PRSS23: variants seen among roughly 807,000 people sequenced by gnomAD.
PRSS23 encodes protease, serine 23.
PRSS23 carries 25 observed loss-of-function variants against 34.7 expected under a neutral mutation model. The ratio of observed to expected loss-of-function variants is 0.72; its 90% confidence interval spans 0.53 to 1.01. The LOEUF (loss-of-function observed/expected upper bound fraction) is 1.01, where lower values mean the gene tolerates loss of function less well. PRSS23 is among the 50% of genes least tolerant of loss of function. The pLI is 0.00. For missense variants in PRSS23, 445 were observed against 475.6 expected, an observed-to-expected ratio of 0.94 and a Z score of 0.60; for synonymous variants, 176 against 186.6, an observed-to-expected ratio of 0.94 and a Z score of 0.46.
intron 2 of PRSS23, among the ~76,000 whole-genome samples, chr11:86,868,763 C>G (rs576533425): frequency 9.9e-5 from 15 of 152,272 alleles, no homozygotes; most frequent in Non-Finnish European, 1.8e-4. Flanking sequence ...GGAATCAGAA[C>G]ACTTGGGTTG....
intron 2 of PRSS23, among the ~76,000 whole-genome samples, chr11:86,930,591 A>G (rs922960736): frequency 6.6e-6 from 1 of 152,172 alleles, no homozygotes; most frequent in Admixed American, 6.5e-5. Context: ...GGAGATCGAG[A>G]CCATCCTAGC....
At chr11:86,827,041 T>C (rs1948307526) in intron 2 of PRSS23, among the ~76,000 whole-genome samples, 1 of 152,180 alleles carries the variant, frequency 6.6e-6, no homozygotes, top group Non-Finnish European at 1.5e-5. Context: ...TCTTTTTCTA[T>C]TGATTGGAAT....
chr11:86,838,542 G>C (rs1948424036), intron 2 of PRSS23, among the ~76,000 whole-genome samples: 1 of 152,214 alleles, frequency 6.6e-6, no homozygotes, highest in Non-Finnish European at 1.5e-5. Context: ...TCTGGGGGCA[G>C]GGCATAGCAG....
intron 2 of PRSS23, chr11:86,937,493 C>T (rs886094187): frequency 2.0e-5 from 3 of 152,092 alleles, no homozygotes; most frequent in African/African-American, 7.2e-5. Flanking sequence ...AGGAGGTCAG[C>T]CAAGATACAG....
intron 2 of PRSS23, among the ~76,000 whole-genome samples, chr11:86,853,277 T>C (rs12364297): frequency 9.0e-6 from 1 of 111,094 alleles, no homozygotes; most frequent in African/African-American, 3.4e-5. Context: ...TTTTTTTTAA[T>C]GGAGTCTCAC....
At chr11:86,801,404 C>A (rs925270422) in intron 1 of PRSS23, among the ~76,000 whole-genome samples, 1 of 152,226 alleles carries the variant, frequency 6.6e-6, no homozygotes, top group Non-Finnish European at 1.5e-5. Flanking sequence ...TGCTTTCCAG[C>A]ACCTCAGGAG....
chr11:86,939,191 T>A (rs1949184497), intron 2 of PRSS23: 1 of 337,036 alleles, frequency 3.0e-6, no homozygotes, highest in African/African-American at 2.2e-5. Context: ...ACTTAAGAAG[T>A]GCTTGTAAGG....
In PRSS23 at chr11:86,807,844, C is replaced by G. The variant is rs1416936929; in HGVS notation, c.201C>G (p.Pro67=). 6.2e-7 allele frequency: 1 copy of G among 1,614,044 alleles called. No individual in the cohort carries two copies. Among genetic ancestry groups the G allele is most frequent in the Admixed American group, 1.7e-5 (1 of 60,016 alleles). Residue 67 remains proline (P), a synonymous_variant, in exon 2 of 2, where the codon CCC becomes CCG. Transcript: ENST00000280258. The stretch of plus-strand genomic sequence containing the variant: ...TAGAAGTATCTTCTTCATGTGGACC[C>G]CAGTGTCATAAGGGAACTCCACTGC... ...AKLEVSSSCG[P]QCHKGTPLPT...
chr11:86,849,133 G>A (rs1474732403), intron 2 of PRSS23, among the ~76,000 whole-genome samples: 2 of 152,160 alleles, frequency 1.3e-5, no homozygotes, highest in Non-Finnish European at 2.9e-5. Context: ...TTTGACCATT[G>A]AGGGCCAGGA....
chr11:86,855,267 A>C (rs1157028113), intron 2 of PRSS23, among the ~76,000 whole-genome samples: 3 of 152,202 alleles, frequency 2.0e-5, no homozygotes, highest in African/African-American at 7.2e-5. Flanking sequence ...TAATAGCTTA[A>C]AAACTAGCAT....
chr11:86,937,067 G>T, intron 2 of PRSS23: 1 of 152,268 alleles, frequency 6.6e-6, no homozygotes. Context: ...AAAAAAGCAA[G>T]AGCTTTGCAG....
chr11:86,838,875 T>C (rs1156339308), intron 2 of PRSS23, among the ~76,000 whole-genome samples: 1 of 152,100 alleles, frequency 6.6e-6, no homozygotes, highest in Admixed American at 6.5e-5. Context: ...CCAAGAGACC[T>C]GCAACTGAGG....
intron 2 of PRSS23, among the ~76,000 whole-genome samples, chr11:86,855,187 CA>C (rs200570716): frequency 0.011 from 1,672 of 150,280 alleles, 14 homozygotes; most frequent in Middle Eastern, 0.021. Flanking sequence ...AAAAAAAATA[CA>C]GCATGATTTC....
Position 86,807,651 on chromosome 11 carries a change from G to A in PRSS23, c.8G>A (p.Gly3Glu), listed in dbSNP as rs1424573394. ...TACAGAACAGTGCTCGGCATGGCAG[G>A]GATTCCAGGGCTCCTCTTCCTTCTC... MA[G>E]IPGLLFLLFF... Residue 3 changes from glycine (G) to glutamate (E), a missense_variant, in exon 2 of 2, where the codon GGG becomes GAG. Gly to Glu is a moderately conservative substitution (Grantham distance 98, BLOSUM62 -2). Coordinates refer to ENST00000280258, the MANE Select transcript of PRSS23 (RefSeq NM_007173.6). 5.6e-6 allele frequency: 9 copies of A among 1,608,798 alleles called. No homozygotes were observed. The highest frequency in any genetic ancestry group is 7.6e-6 in the Non-Finnish European group (9 of 1,176,850).
intron 2 of PRSS23, among the ~76,000 whole-genome samples, chr11:86,824,741 G>A (rs1162649401): frequency 1.3e-5 from 2 of 149,242 alleles, no homozygotes; most frequent in Non-Finnish European, 3.0e-5. Context: ...TTGCTTTTTT[G>A]TTCTTGGGAT....
chr11:86,899,548 T>A (rs1948897863), intron 2 of PRSS23, among the ~76,000 whole-genome samples: 1 of 150,302 alleles, frequency 6.7e-6, no homozygotes, highest in African/African-American at 2.4e-5. Flanking sequence ...AGAGTCTCGC[T>A]CTGTCACCCA....
At chr11:86,928,932 G>T (rs763752302) in intron 2 of PRSS23, among the ~76,000 whole-genome samples, 1 of 151,932 alleles carries the variant, frequency 6.6e-6, no homozygotes, top group Non-Finnish European at 1.5e-5. Flanking sequence ...ATGTCCAAAT[G>T]TTCTGCAACA....
chr11:86,811,633 AC>A (rs1430513737), downstream of PRSS23, among the ~76,000 whole-genome samples: 4 of 152,098 alleles, frequency 2.6e-5, no homozygotes, highest in Non-Finnish European at 5.9e-5. Flanking sequence ...CTGTTTTTGG[AC>A]CAAAAAGGGA....
chr11:86,868,856 G>T (rs1391128897), intron 2 of PRSS23, among the ~76,000 whole-genome samples: 2 of 152,138 alleles, frequency 1.3e-5, no homozygotes, highest in African/African-American at 4.8e-5. Flanking sequence ...CTGTCACCCA[G>T]GCTGAAGTGC....
Sources: gnomAD v4.1 joint callset for allele counts (sites outside exome capture counted in the v4.1 genomes callset) on GRCh38, gnomAD v4.1.1 for gene constraint, MANE v1.5 for transcripts, NCBI Gene and HGNC (gene_info 2026-07-23, HGNC 2026-07-21) for gene names.